PLPBP: variants seen among roughly 807,000 people sequenced by gnomAD.
PLPBP encodes pyridoxal phosphate binding protein, also known as pyridoxal phosphate homeostasis protein.
In PLPBP, 21 loss-of-function variants were observed where a neutral mutation model predicts 31.2. The ratio of observed to expected loss-of-function variants is 0.67; its 90% confidence interval spans 0.48 to 0.97. PLPBP has a LOEUF of 0.97. PLPBP is among the 50% of genes least tolerant of loss of function. PLPBP has a pLI of 0.00. For missense variants in PLPBP, 308 were observed against 354.4 expected, an observed-to-expected ratio of 0.87 and a Z score of 1.05; for synonymous variants, 124 against 135.6, an observed-to-expected ratio of 0.91 and a Z score of 0.59.
At chr8:37,763,783 TGGAA>T (rs1448378029) in intron 1 of PLPBP, among the ~76,000 whole-genome samples, 2 of 152,152 alleles carry the variant, frequency 1.3e-5, no homozygotes, top group African/African-American at 4.8e-5. Flanking sequence ...CGCATCGCTG[TGGAA>T]GGAAGGAAGA....
At chr8:37,771,375 A>G (rs1803763576) in intron 4 of PLPBP, among the ~76,000 whole-genome samples, 2 of 151,960 alleles carry the variant, frequency 1.3e-5, no homozygotes, top group Non-Finnish European at 2.9e-5. Context: ...CCTGGCCTCA[A>G]GTGATTCGAC....
intron 3 of PLPBP, 115 bp downstream of exon 3, chr8:37,765,861 T>C (rs1484569637): frequency 6.3e-6 from 7 of 1,108,134 alleles, no homozygotes; most frequent in South Asian, 4.4e-5. Context: ...TGACTTTAGA[T>C]TGGGCCAGGG....
intron 3 of PLPBP, among the ~76,000 whole-genome samples, chr8:37,765,952 T>C (rs1803615930): frequency 6.6e-6 from 1 of 152,164 alleles, no homozygotes; most frequent in South Asian, 2.1e-4. Flanking sequence ...CGTTTTCTCA[T>C]TGGTGGCTGT....
At chr8:37,769,200 G>T (rs2129787952) in intron 4 of PLPBP, among the ~76,000 whole-genome samples, 1 of 152,144 alleles carries the variant, frequency 6.6e-6, no homozygotes, top group African/African-American at 2.4e-5. Flanking sequence ...GCTGGGCGTA[G>T]TGGTGTGTGT....
chr8:37,772,346 A>T (rs1032508681), intron 4 of PLPBP, among the ~76,000 whole-genome samples: 2 of 152,208 alleles, frequency 1.3e-5, no homozygotes. Context: ...CATCCCAGAA[A>T]GTTGAAGAAT....
intron 4 of PLPBP, 151 bp downstream of exon 4, chr8:37,766,506 G>A: frequency 3.1e-6 from 4 of 1,304,478 alleles, no homozygotes; most frequent in Non-Finnish European, 3.9e-6. Context: ...TTAATAAAAA[G>A]AGAAAACATC....
intron 4 of PLPBP, among the ~76,000 whole-genome samples, chr8:37,771,289 A>G (rs1001885355): frequency 2.2e-4 from 33 of 151,882 alleles, no homozygotes; most frequent in African/African-American, 7.0e-4. Context: ...GGCATGTGCC[A>G]CCAGGCCTGG....
intron 1 of PLPBP, among the ~76,000 whole-genome samples, chr8:37,764,600 C>T (rs903577091): frequency 2.6e-5 from 4 of 152,164 alleles, no homozygotes; most frequent in African/African-American, 9.7e-5. Flanking sequence ...GGATTACAGG[C>T]GTGTGGCTCA....
chr8:37,773,402 T>C (rs1479361618), intron 5 of PLPBP, among the ~76,000 whole-genome samples: 1 of 151,634 alleles, frequency 6.6e-6, no homozygotes, highest in Non-Finnish European at 1.5e-5. Flanking sequence ...TCATGACCTC[T>C]CAAGTGATCC....
chr8:37,776,064 G>T lies in PLPBP; in HGVS notation c.696+48G>T. On this transcript the variant is annotated intron_variant, in intron 7 of 7. Coordinates refer to ENST00000328195, the MANE Select transcript of PLPBP (RefSeq NM_007198.4). ...GTCTGCCTCGAGGGGTGGGGGTAGG[G>T]GGTCTGAGAGGCTGACACAAGAGCA... 5 of 1,527,266 alleles carry T rather than the reference G, an allele frequency of 3.3e-6. No individual in the cohort carries two copies. The South Asian group carries it at 3.4e-5, about 10-fold the overall frequency. The allele number at this position is 1,527,266 out of a possible 1,614,324, so 94.6% of individuals were successfully genotyped here. A position where few individuals can be genotyped will look rare whatever the true frequency, so the allele number is the denominator to read the frequency against.
chr8:37,772,770 T>C lies in PLPBP; in HGVS notation c.335T>C (p.Phe112Ser), dbSNP rs572467305. ...CTCATTACAGCTGTCCCCAATCTCTTCATGCTGGAAACAGTGGATTCTGTG... is the reference window on the plus strand; with the variant it reads ...CTCATTACAGCTGTCCCCAATCTCTCCATGCTGGAAACAGTGGATTCTGTG... The part of the protein sequence containing the change: ...VNKLMAVPNL[F>S]MLETVDSVKL... Residue 112 changes from phenylalanine (F) to serine (S), a missense_variant, in exon 5 of 8, where the codon TTC becomes TCC. Phe to Ser is a radical substitution (Grantham distance 155, BLOSUM62 -2). Around this residue, in one of 2 missense-constraint regions of PLPBP, gnomAD observed 188 missense variants for 259.3 expected, o/e 0.73. Coordinates refer to ENST00000328195, the MANE Select transcript of PLPBP (RefSeq NM_007198.4). 6.2e-7 allele frequency: 1 copy of C among 1,614,206 alleles called. No homozygotes were observed. The highest frequency in any genetic ancestry group is 8.5e-7 in the Non-Finnish European group (1 of 1,180,030).
intron 4 of PLPBP, among the ~76,000 whole-genome samples, chr8:37,771,410 GATTACAGGCGT>G (rs1175731954): frequency 6.6e-6 from 1 of 152,074 alleles, no homozygotes; most frequent in African/African-American, 2.4e-5. Context: ...CAAGTGCTGG[GATTACAGGCGT>G]GAGCCACAAT....
At chr8:37,770,682 A>G (rs1218213080) in intron 4 of PLPBP, among the ~76,000 whole-genome samples, 2 of 152,094 alleles carry the variant, frequency 1.3e-5, no homozygotes, top group African/African-American at 4.8e-5. Flanking sequence ...GGTTCAAGCG[A>G]TTCTCCTGCC....
In PLPBP at chr8:37,765,603, A is replaced by T. The variant is rs773681861; in HGVS notation, c.177A>T (p.Gly59=). ...CAGACATGGTGATCGAGGCCTATGG[A>T]CATGGGCAGCGCACTTTTGGCGAGA... is the stretch of plus-strand genomic sequence containing the variant. ...KPADMVIEAY[G]HGQRTFGENY... Residue 59 remains glycine, a synonymous_variant, in exon 2 of 8, where the codon GGA becomes GGT. Transcript: ENST00000328195. 6.2e-6 allele frequency: 10 copies of T among 1,614,210 alleles called. No individual in the cohort carries two copies. The South Asian group carries it at 8.8e-5, about 14-fold the overall frequency.
At chr8:37,776,478 C>CAAAAAAAAAAAAAAAAAAAA (rs915875297) in intron 7 of PLPBP, among the ~76,000 whole-genome samples, 1 of 10,640 alleles carries the variant, frequency 9.4e-5, no homozygotes, top group Non-Finnish European at 1.7e-4. Context: ...GACTCCATCT[C>CAAAAAAAAAAAAAAAAAAAA]AAAAAAAAAA....
rs1264019791 is a variant in PLPBP, at chr8:37,778,801, A to G, written c.*697A>G. On this transcript the variant is annotated 3_prime_UTR_variant, in exon 8 of 8. Coordinates refer to ENST00000328195, the MANE Select transcript of PLPBP (RefSeq NM_007198.4). ...CAGGAGCCCCACCCCCCGTCTCTAC[A>G]AAAAAATTTAAAAATTAACTGGGCA... 1 of 152,010 alleles carries G rather than the reference A, an allele frequency of 6.6e-6. No homozygotes were observed. The highest frequency in any genetic ancestry group is 2.4e-5 in the African/African-American group (1 of 41,324). 9.4% of individuals were successfully genotyped at this position (152,010 alleles called of 1,614,324 possible). A position where few individuals can be genotyped will look rare whatever the true frequency, so the allele number is the denominator to read the frequency against.
intron 1 of PLPBP, among the ~76,000 whole-genome samples, 175 bp from the exon 2 acceptor site, chr8:37,765,351 A>G (rs1803595132): frequency 6.6e-6 from 1 of 152,244 alleles, no homozygotes; most frequent in African/African-American, 2.4e-5. Flanking sequence ...CCTAAAAAAC[A>G]TTTGATCATG....
Position 37,767,020 on chromosome 8 carries a change from C to T in PLPBP, c.319+665C>T, listed in dbSNP as rs866053369. Among the ~76,000 whole-genome samples, 3 of 111,578 alleles carry T rather than the reference C, an allele frequency of 2.7e-5. No individual in the cohort carries two copies. In the Admixed American group the frequency reaches 4.0e-4, roughly 15 times the overall value. 73.2% of individuals were successfully genotyped at this position (111,578 alleles called of 152,430 possible). ...CAAGATCACGCCACTGCACTCCAGA[C>T]TAGGTAACAGAGCAAGACTTCATCC... is the stretch of plus-strand genomic sequence containing the variant. On this transcript the variant is annotated intron_variant, in intron 4 of 7. Transcript: ENST00000328195.
At chr8:37,776,068 C>A in intron 7 of PLPBP, 52 bp downstream of exon 7, 1 of 1,508,344 alleles carries the variant, frequency 6.6e-7, no homozygotes, top group Non-Finnish European at 9.2e-7. Flanking sequence ...GGTAGGGGGT[C>A]TGAGAGGCTG....
Sources: gnomAD v4.1 joint callset for allele counts (sites outside exome capture counted in the v4.1 genomes callset) on GRCh38, gnomAD v4.1.1 for gene constraint, gnomAD v4.1.1 regional missense constraint, MANE v1.5 for transcripts, NCBI Gene and HGNC (gene_info 2026-07-23, HGNC 2026-07-21) for gene names.